Variants in IL1RAPL1 observed in about 807,000 individuals in gnomAD.
The protein encoded by IL1RAPL1 is interleukin-1 receptor accessory protein-like 1.
Under a neutral mutation model 48.4 loss-of-function variants are expected in IL1RAPL1, and 3 were observed. The ratio of observed to expected loss-of-function variants is 0.06; its 90% CI spans 0.03 to 0.16. IL1RAPL1 has a LOEUF of 0.16. IL1RAPL1 is among the 10% of genes least tolerant of loss of function. The pLI is 1.00. For missense variants in IL1RAPL1, 349 were observed against 530.6 expected, an observed-to-expected ratio of 0.66 and a Z score of 3.36; for synonymous variants, 185 against 187.7, an observed-to-expected ratio of 0.99 and a Z score of 0.12.
At chrX:29,238,195 A>G (rs780893344) in intron 2 of IL1RAPL1, among the ~76,000 whole-genome samples, 18 of 111,936 alleles carry the variant, frequency 1.6e-4, no homozygotes, top group South Asian at 3.7e-4. Flanking sequence ...CTGAATGATG[A>G]GGACAGAGTT....
intron 2 of IL1RAPL1, among the ~76,000 whole-genome samples, chrX:28,861,585 T>G (rs1474022718): frequency 1.8e-5 from 2 of 111,698 alleles, no homozygotes. Context: ...GACTCTAAAA[T>G]GAAATTGCTG....
intron 5 of IL1RAPL1, among the ~76,000 whole-genome samples, chrX:29,451,311 C>T (rs1025061853): frequency 1.8e-5 from 2 of 109,294 alleles, no homozygotes; most frequent in Admixed American, 2.0e-4. Flanking sequence ...TCTTCTGATT[C>T]AGCCACACAA....
At chrX:29,135,437 T>G (rs1452525170) in intron 2 of IL1RAPL1, among the ~76,000 whole-genome samples, 1 of 112,075 alleles carries the variant, frequency 8.9e-6, no homozygotes, top group East Asian at 2.8e-4. Context: ...TCTCCTAAGC[T>G]AATCTTAGAG....
At chrX:29,018,470 G>A (rs1430494629) in intron 2 of IL1RAPL1, among the ~76,000 whole-genome samples, 1 of 111,870 alleles carries the variant, frequency 8.9e-6, no homozygotes, top group African/African-American at 3.2e-5. Flanking sequence ...CTCTAGCCTA[G>A]GGTGTCAGAA....
chrX:29,268,916 T>C (rs1284342715), intron 2 of IL1RAPL1, among the ~76,000 whole-genome samples: 2 of 112,077 alleles, frequency 1.8e-5, no homozygotes, highest in Non-Finnish European at 3.8e-5. Context: ...ATATTGTTGG[T>C]TGTCTGAAAC....
chrX:29,083,816 A>T (rs1253767549), intron 2 of IL1RAPL1, among the ~76,000 whole-genome samples: 4 of 112,207 alleles, frequency 3.6e-5, no homozygotes, highest in African/African-American at 1.3e-4. Context: ...AAGGTTATAT[A>T]CAGAGAACAA....
chrX:28,869,559 T>C (rs1289919081), intron 2 of IL1RAPL1, among the ~76,000 whole-genome samples: 1 of 112,051 alleles, frequency 8.9e-6, no homozygotes, highest in Non-Finnish European at 1.9e-5. Context: ...TGAAAACTTA[T>C]TGGAGTAGAA....
At chrX:29,188,300 C>T (rs1017367169) in intron 2 of IL1RAPL1, among the ~76,000 whole-genome samples, 2 of 111,401 alleles carry the variant, frequency 1.8e-5, no homozygotes, top group Non-Finnish European at 3.8e-5. Context: ...ATTTAATTAC[C>T]AATAATTACC....
chrX:29,026,491 G>C (rs1335185899), intron 2 of IL1RAPL1, among the ~76,000 whole-genome samples: 1 of 111,205 alleles, frequency 9.0e-6, no homozygotes, highest in African/African-American at 3.3e-5. Context: ...TAGATGATGG[G>C]TTGATAGGTG....
At chrX:29,906,622 C>CTCTT (rs1452539892) in intron 6 of IL1RAPL1, among the ~76,000 whole-genome samples, 1 of 102,745 alleles carries the variant, frequency 9.7e-6, no homozygotes, top group Non-Finnish European at 2.0e-5. Flanking sequence ...ATTGTGAACC[C>CTCTT]TCTTTCTCTT....
intron 8 of IL1RAPL1, among the ~76,000 whole-genome samples, chrX:29,934,834 A>G (rs1194327970): frequency 2.7e-5 from 3 of 112,054 alleles, no homozygotes; most frequent in South Asian, 3.7e-4. Context: ...GGAAAATTCA[A>G]AATTACAAAA....
intron 2 of IL1RAPL1, among the ~76,000 whole-genome samples, chrX:29,150,216 A>T (rs1002466320): frequency 2.3e-4 from 26 of 112,180 alleles, no homozygotes; most frequent in African/African-American, 8.4e-4. Context: ...ACTGAATAAA[A>T]TAGAAATGAT....
intron 1 of IL1RAPL1, among the ~76,000 whole-genome samples, chrX:28,649,910 A>G (rs1299893468): frequency 1.8e-5 from 2 of 111,815 alleles, no homozygotes; most frequent in African/African-American, 6.5e-5. Flanking sequence ...ACACTCTCCA[A>G]TCTTAACCAC....
chrX:29,240,168 A>G (rs1448548902), intron 2 of IL1RAPL1, among the ~76,000 whole-genome samples: 1 of 93,097 alleles, frequency 1.1e-5, no homozygotes, highest in Non-Finnish European at 2.0e-5. Flanking sequence ...TGCCTACCAC[A>G]TAGTAGTATA....
chrX:28,626,561 T>G (rs961622742), intron 1 of IL1RAPL1, among the ~76,000 whole-genome samples: 4 of 112,148 alleles, frequency 3.6e-5, no homozygotes, highest in Non-Finnish European at 7.5e-5. Context: ...CTGTCTTAGG[T>G]TTTTCACAAA....
chrX:29,396,387 C>T lies in IL1RAPL1; in HGVS notation c.492C>T (p.Cys164=). 8.3e-7 allele frequency: 1 copy of T among 1,209,553 alleles called. No individual in the cohort carries two copies. The highest frequency in any genetic ancestry group is 1.1e-6 in the Non-Finnish European group (1 of 894,610). The change falls in exon 4 of 11, where the codon TGC becomes TGT. Residue 164 remains cysteine (C), a synonymous_variant. Coordinates refer to ENST00000378993, the MANE Select transcript of IL1RAPL1 (RefSeq NM_014271.4). Reference sequence around the variant, plus strand: ...TTAGCAAAAGCAAGGAAATTTCATGCCGTGACATAGAGGATTTTCTACTGC... The same window carrying T: ...TTAGCAAAAGCAAGGAAATTTCATGTCGTGACATAGAGGATTTTCTACTGC... ...AELSKSKEIS[C]RDIEDFLLPT...
intron 5 of IL1RAPL1, among the ~76,000 whole-genome samples, chrX:29,600,685 G>T (rs1923694283): frequency 9.0e-6 from 1 of 111,241 alleles, no homozygotes; most frequent in African/African-American, 3.3e-5. Context: ...AGACCACCAG[G>T]TGGGGGGCAG....
At chrX:28,720,924 A>G (rs1431744025) in intron 1 of IL1RAPL1, among the ~76,000 whole-genome samples, 1 of 111,926 alleles carries the variant, frequency 8.9e-6, no homozygotes, top group African/African-American at 3.2e-5. Flanking sequence ...TGCAAAGGAC[A>G]TGAACTCATT....
chrX:28,730,212 A>G (rs2146946179), intron 1 of IL1RAPL1, among the ~76,000 whole-genome samples: 1 of 111,775 alleles, frequency 8.9e-6, no homozygotes, highest in African/African-American at 3.2e-5. Context: ...GACAACTTTT[A>G]TGATAGGAAA....
Sources: gnomAD v4.1 joint callset for allele counts (sites outside exome capture counted in the v4.1 genomes callset) on GRCh38, gnomAD v4.1.1 for gene constraint, MANE v1.5 for transcripts, NCBI Gene and HGNC (gene_info 2026-07-23, HGNC 2026-07-21) for gene names.